Variants in ACTR3C observed in about 807,000 individuals in gnomAD.
ACTR3C encodes the protein actin related protein 3C.
ACTR3C carries 18 observed loss-of-function variants against 26.3 expected under a neutral mutation model. That is an observed-to-expected ratio of 0.68 (90% CI 0.47 to 1.01). The LOEUF (loss-of-function observed/expected upper bound fraction) is 1.01. ACTR3C is among the 50% of genes least tolerant of loss of function. The pLI is 0.00. For synonymous variants in ACTR3C, 55 were observed against 94.5 expected, an observed-to-expected ratio of 0.58 and a Z score of 2.42; for missense variants, 184 against 250.7, an observed-to-expected ratio of 0.73 and a Z score of 1.80.
chr7:149,946,945 C>A, the ACTR3C span, among the ~76,000 whole-genome samples: 2 of 150,962 alleles, frequency 1.3e-5, no homozygotes, highest in Admixed American at 6.6e-5. Context: ...AAAAGAGCCG[C>A]CTTCCCCCAA....
the ACTR3C span, among the ~76,000 whole-genome samples, chr7:150,024,181 G>C: frequency 5.9e-5 from 9 of 151,522 alleles, no homozygotes; most frequent in East Asian, 1.9e-4. Flanking sequence ...TGCACAGAGC[G>C]ACTTTACATT....
At chr7:150,008,381 C>T in the ACTR3C span, among the ~76,000 whole-genome samples, 3 of 152,240 alleles carry the variant, frequency 2.0e-5, no homozygotes, top group South Asian at 6.2e-4. Context: ...CACTGTGCTG[C>T]CTGACACTCC....
intron 3 of ACTR3C, among the ~76,000 whole-genome samples, chr7:150,291,415 G>A (rs6953201): frequency 0.18 from 27,870 of 151,940 alleles, 3,471 homozygotes; most frequent in African/African-American, 0.34. Context: ...GACAACAAGA[G>A]TGAAACTCCA....
the ACTR3C span, among the ~76,000 whole-genome samples, chr7:149,983,922 T>C: frequency 2.0e-5 from 3 of 152,188 alleles, no homozygotes; most frequent in South Asian, 6.2e-4. Flanking sequence ...CAGGCAGACT[T>C]GTACAGAGAG....
intron 1 of ACTR3C, among the ~76,000 whole-genome samples, chr7:150,314,670 T>C (rs1343567673): frequency 2.0e-5 from 3 of 151,302 alleles, no homozygotes; most frequent in Non-Finnish European, 4.4e-5. Context: ...AGGCTGAGCT[T>C]GGTGGCTCAT....
At chr7:150,036,067 G>A in the ACTR3C span, among the ~76,000 whole-genome samples, 59 of 78,756 alleles carry the variant, frequency 7.5e-4, 7 homozygotes, top group Non-Finnish European at 1.0e-3. Flanking sequence ...CAGTCCCCGC[G>A]TCGCGAGGGG....
chr7:150,303,378 C>A (rs966077681), intron 1 of ACTR3C, among the ~76,000 whole-genome samples: 2 of 152,194 alleles, frequency 1.3e-5, no homozygotes, highest in African/African-American at 4.8e-5. Context: ...TTGTTAGCCA[C>A]ACCAGAGAGC....
At chr7:149,940,475 G>A in the ACTR3C span, among the ~76,000 whole-genome samples, 1 of 151,724 alleles carries the variant, frequency 6.6e-6, no homozygotes, top group African/African-American at 2.4e-5. Flanking sequence ...TCCTGAGACT[G>A]CTGGCAACAG....
the ACTR3C span, among the ~76,000 whole-genome samples, chr7:150,131,450 C>T: frequency 6.6e-6 from 1 of 151,698 alleles, no homozygotes; most frequent in African/African-American, 2.4e-5. Context: ...TCTGTTAAAG[C>T]AGCTCGAACA....
the ACTR3C span, chr7:150,044,927 G>A: frequency 6.6e-6 from 1 of 152,218 alleles, no homozygotes; most frequent in Non-Finnish European, 1.5e-5. Flanking sequence ...AAGAGTGATG[G>A]AGATTTCTCC....
chr7:149,928,381 C>CTTT, the ACTR3C span, among the ~76,000 whole-genome samples: 4 of 106,820 alleles, frequency 3.7e-5, no homozygotes, highest in Non-Finnish European at 7.8e-5. Context: ...TTTTGTATTT[C>CTTT]TTTTTTTTTT....
chr7:150,294,814 C>T (rs1446180738), intron 2 of ACTR3C, among the ~76,000 whole-genome samples: 3 of 151,382 alleles, frequency 2.0e-5, no homozygotes, highest in East Asian at 1.9e-4. Flanking sequence ...CACCAAGAAC[C>T]GCAGCTTCAG....
At chr7:150,122,180 T>C in the ACTR3C span, among the ~76,000 whole-genome samples, 83 of 152,224 alleles carry the variant, frequency 5.5e-4, no homozygotes, top group African/African-American at 1.9e-3. Context: ...CAAAGTCTTC[T>C]TGACTAAAAC....
chr7:150,172,185 T>C, the ACTR3C span, among the ~76,000 whole-genome samples: 2 of 150,690 alleles, frequency 1.3e-5, no homozygotes, highest in Non-Finnish European at 2.9e-5. Flanking sequence ...ATGTGCCTGC[T>C]TGAGTCTCTT....
the ACTR3C span, among the ~76,000 whole-genome samples, chr7:150,055,187 A>C: frequency 1.3e-5 from 2 of 152,260 alleles, no homozygotes; most frequent in African/African-American, 4.8e-5. Context: ...ACTTGTTGGA[A>C]ATGCAGATTC....
chr7:150,119,299 G>C, the ACTR3C span, among the ~76,000 whole-genome samples: 2 of 152,248 alleles, frequency 1.3e-5, no homozygotes, highest in South Asian at 2.1e-4. Context: ...TGGCAAATTG[G>C]ATAAAGAGTC....
At chr7:149,984,255 G>C in the ACTR3C span, among the ~76,000 whole-genome samples, 1 of 151,444 alleles carries the variant, frequency 6.6e-6, no homozygotes, top group African/African-American at 2.4e-5. Flanking sequence ...CCAGGCAGGA[G>C]TGCAGCAGCA....
chr7:150,043,128 C>T, the ACTR3C span, among the ~76,000 whole-genome samples: 1 of 151,176 alleles, frequency 6.6e-6, no homozygotes. Context: ...TGCTTTCTTT[C>T]TGTTCCCGAG....
At chr7:150,022,757 C>T in the ACTR3C span, among the ~76,000 whole-genome samples, 1 of 152,106 alleles carries the variant, frequency 6.6e-6, no homozygotes. Context: ...AACAGCCCAG[C>T]TGGTAACAAG....
Sources: gnomAD v4.1 joint callset for allele counts (sites outside exome capture counted in the v4.1 genomes callset) on GRCh38, gnomAD v4.1.1 for gene constraint, MANE v1.5 for transcripts, NCBI Gene and HGNC (gene_info 2026-07-23, HGNC 2026-07-21) for gene names.